Variants in POLD1 observed in about 807,000 individuals in gnomAD.
The protein encoded by POLD1 is DNA polymerase delta 1, catalytic subunit, also known as DNA polymerase delta catalytic subunit.
A neutral mutation model predicts 129.7 loss-of-function variants in POLD1; 79 were observed. That is an observed-to-expected ratio of 0.61 (90% CI 0.51 to 0.73). POLD1 has a LOEUF of 0.73. Ranked by LOEUF, POLD1 falls within the 30% of genes least tolerant of loss-of-function variation. The pLI is 0.00. For missense variants in POLD1, 1,338 were observed against 1,595.8 expected (o/e 0.84, Z 2.75); for synonymous variants, 714 against 683.3 (o/e 1.04, Z -0.70).
intron 10 of POLD1, among the ~76,000 whole-genome samples, chr19:50,403,825 A>C (rs1175202984): frequency 3.3e-5 from 5 of 152,230 alleles, no homozygotes; most frequent in Non-Finnish European, 7.3e-5. Context: ...GAGTAAGAGA[A>C]GGCTGTGCAT....
At chr19:50,407,532 C>A in intron 14 of POLD1, 117 bp downstream of exon 14, 1 of 450,288 alleles carries the variant, frequency 2.2e-6, no homozygotes, top group South Asian at 9.0e-5. Flanking sequence ...GGCCCCTGCT[C>A]CACAAAATTT....
At chr19:50,404,574 CTTTTTTTTTTTT>C (rs71182717) in intron 10 of POLD1, among the ~76,000 whole-genome samples, 3 of 77,868 alleles carry the variant, frequency 3.9e-5, no homozygotes, top group Non-Finnish European at 6.5e-5. Flanking sequence ...TTTTCTCTTT[CTTTTTTTTTTTT>C]TTTTTTTTTT....
chr19:50,417,833 C>T lies in POLD1; in HGVS notation c.3219-9C>T, dbSNP rs1410703949. ...CTGGTCCTGACCCTGCCCCTGCCCC[C>T]ACCCGCAGCCGGGACTGCCCCATCT... On this transcript the variant is annotated splice_polypyrimidine_tract_variant and intron_variant, in intron 26 of 26. Transcript: ENST00000440232. The T allele has an allele frequency of 7.0e-6, 11 of 1,560,464 alleles. No homozygotes were observed. The highest frequency in any genetic ancestry group is 1.6e-5 in the African/African-American group (1 of 62,386).
chr19:50,384,603 G>A (rs2037905009), intron 1 of POLD1, among the ~76,000 whole-genome samples: 1 of 152,028 alleles, frequency 6.6e-6, no homozygotes, highest in African/African-American at 2.4e-5. Flanking sequence ...GGCGGGCAGG[G>A]GGCGCATGCG....
intron 1 of POLD1, among the ~76,000 whole-genome samples, chr19:50,385,926 T>C (rs576066074): frequency 3.9e-5 from 6 of 152,188 alleles, no homozygotes; most frequent in African/African-American, 1.4e-4. Context: ...TCTTATGTGT[T>C]TCTGACAGCT....
intron 1 of POLD1, among the ~76,000 whole-genome samples, chr19:50,389,235 C>T (rs917008322): frequency 1.3e-5 from 2 of 151,512 alleles, no homozygotes; most frequent in African/African-American, 2.4e-5. Flanking sequence ...CTCAGCTGAT[C>T]CTCAGCCTCT....
Position 50,415,585 on chromosome 19 carries a change from C to A in POLD1, c.2712C>A (p.Ala904=), listed in dbSNP as rs770882217. Residue 904 remains alanine, a synonymous_variant, in exon 21 of 27, where the codon GCC becomes GCA. Coordinates refer to ENST00000440232, the MANE Select transcript of POLD1 (RefSeq NM_002691.4). The part of the protein sequence containing the change: ...YAGKQAHVEL[A]ERMRKRDPGS... The stretch of plus-strand genomic sequence containing the variant: ...GCAAGCAGGCCCACGTGGAGCTGGC[C>A]GAGAGGTCCTGCGCGGGGCGGGTGG... 4 of 1,610,940 alleles carry A rather than the reference C, an allele frequency of 2.5e-6. No individual in the cohort carries two copies. Among genetic ancestry groups the A allele is most frequent in the Non-Finnish European group, 3.4e-6 (4 of 1,178,542 alleles).
At chr19:50,390,330 C>T (rs1338938524) in intron 1 of POLD1, among the ~76,000 whole-genome samples, 1 of 151,932 alleles carries the variant, frequency 6.6e-6, no homozygotes, top group East Asian at 1.9e-4. Context: ...AGCCAATCTC[C>T]CGAGACTCAG....
At chr19:50,411,406 G>A (rs1283888373) in intron 17 of POLD1, among the ~76,000 whole-genome samples, 1 of 152,174 alleles carries the variant, frequency 6.6e-6, no homozygotes, top group Non-Finnish European at 1.5e-5. Context: ...GCCCTCCCCT[G>A]GGGCTGCCTC....
At position 50,404,434 on chromosome 19, in the gene POLD1, T is replaced by G. The variant is rs536509773; in HGVS notation, c.1242+837T>G. Reference sequence around the variant, plus strand: ...CCCGCCACCACGCCTGGCTAATTTTTTGTGTTTTTAGTAGAGACGGGGTTT... The same window carrying G: ...CCCGCCACCACGCCTGGCTAATTTTGTGTGTTTTTAGTAGAGACGGGGTTT... On this transcript the variant is annotated intron_variant, in intron 10 of 26. Transcript: ENST00000440232. Among the ~76,000 whole-genome samples the G allele has an allele frequency of 1.0e-3, 153 of 147,318 alleles. 2 individuals are homozygous for G. The highest frequency in any genetic ancestry group is 1.8e-3 in the Non-Finnish European group (121 of 67,392).
chr19:50,413,529 G>A lies in POLD1; in HGVS notation c.2250+8G>A. The stretch of plus-strand genomic sequence containing the variant: ...TACAGCACCAGTGCCAAGGTCGGGG[G>A]CTGCCCACCGCTGCCCTGAGATGGG... On this transcript the variant is annotated splice_region_variant and intron_variant, in intron 18 of 26. Coordinates refer to ENST00000440232, the MANE Select transcript of POLD1 (RefSeq NM_002691.4). 1 of 1,595,040 alleles carries A rather than the reference G, an allele frequency of 6.3e-7. No individual in the cohort carries two copies. Among genetic ancestry groups the A allele is most frequent in the South Asian group, 1.1e-5 (1 of 89,530 alleles).
chr19:50,411,390 A>C (rs1601232656), intron 17 of POLD1, among the ~76,000 whole-genome samples: 3 of 152,314 alleles, frequency 2.0e-5, no homozygotes, highest in South Asian at 2.1e-4. Context: ...AAGAGAGCAC[A>C]GCTTGGCCCT....
intron 1 of POLD1, among the ~76,000 whole-genome samples, chr19:50,385,501 A>G (rs576527583): frequency 6.6e-6 from 1 of 150,450 alleles, no homozygotes; most frequent in South Asian, 2.1e-4. Context: ...CCTTCCACTG[A>G]AGGAACTTGT....
chr19:50,398,558 A>C (rs1445528805), intron 1 of POLD1, among the ~76,000 whole-genome samples: 1 of 132,196 alleles, frequency 7.6e-6, no homozygotes, highest in African/African-American at 2.9e-5. Flanking sequence ...TGACAAGAGC[A>C]CAATTCCATC....
chr19:50,402,619 A>G lies in POLD1; in HGVS notation c.848A>G (p.Gln283Arg), dbSNP rs2122255441. The G allele has an allele frequency of 6.4e-7, 1 of 1,573,544 alleles. No individual in the cohort carries two copies. The highest frequency in any genetic ancestry group is 8.6e-7 in the Non-Finnish European group (1 of 1,158,932). ...ACCCACCCATGCCCACAGGCTACGCAGTGCCAGCTGGAGGCGGACGTGCTG... is the reference window on the plus strand; with the variant it reads ...ACCCACCCATGCCCACAGGCTACGCGGTGCCAGCTGGAGGCGGACGTGCTG... ...YALRLKEKATQCQLEADVLWS... is the reference protein window; with the variant it reads ...YALRLKEKATRCQLEADVLWS... Residue 283 changes from glutamine (Q) to arginine (R), a missense_variant, in exon 8 of 27, where the codon CAG (glutamine) becomes CGG (arginine). Transcript: ENST00000440232.
chr19:50,414,849 G>C lies in POLD1; in HGVS notation c.2423G>C (p.Arg808Pro), dbSNP rs771700024. 1.3e-6 allele frequency: 2 copies of C among 1,594,364 alleles called. No individual in the cohort carries two copies. Among genetic ancestry groups the C allele is most frequent in the Non-Finnish European group, 1.7e-6 (2 of 1,167,544 alleles). The change falls in exon 20 of 27, where the codon CGC (arginine) becomes CCC (proline). Residue 808 changes from arginine (R) to proline (P), a missense_variant. This residue lies in a region of POLD1 where 720 missense variants were observed against 1,002.6 expected (regional missense o/e 0.72). Coordinates refer to ENST00000440232, the MANE Select transcript of POLD1 (RefSeq NM_002691.4). Reference protein sequence around the residue: ...YFPYLLISKKRYAGLLFSSRP... With the variant: ...YFPYLLISKKPYAGLLFSSRP... ...CCATACCTGCTTATCAGCAAGAAGCGCTACGCGGGCCTGCTCTTCTCCTCC... is the reference window on the plus strand; with the variant it reads ...CCATACCTGCTTATCAGCAAGAAGCCCTACGCGGGCCTGCTCTTCTCCTCC...
In POLD1 at chr19:50,406,563, C is replaced by A; in HGVS notation, c.1494+46C>A. 7.2e-7 allele frequency: 1 copy of A among 1,380,446 alleles called. No individual in the cohort carries two copies. Among genetic ancestry groups the A allele is most frequent in the Non-Finnish European group, 1.0e-6 (1 of 992,764 alleles). 85.5% of individuals were successfully genotyped at this position (1,380,446 alleles called of 1,614,324 possible). A position where few individuals can be genotyped will look rare whatever the true frequency, so the allele number is the denominator to read the frequency against. On this transcript the variant is annotated intron_variant, in intron 12 of 26. Coordinates refer to ENST00000440232, the MANE Select transcript of POLD1 (RefSeq NM_002691.4). The surrounding 1 kb of genome is among the most constrained non-coding windows in gnomAD (Gnocchi z 5.5). ...CTCTCACCCCAACCTCTGACCTCCA[C>A]CTCACCCTTCCCCGGCCTCTGACCT...
Position 50,409,765 on chromosome 19 carries a change from C to T in POLD1, c.2154+99C>T. On this transcript the variant is annotated intron_variant, in intron 17 of 26. Transcript: ENST00000440232. This position sits in a 1 kb window ranked among gnomAD's most constrained non-coding sequence, Gnocchi z 5.8. ...GGGGACCTGTATCCAGAGGACTGGG[C>T]ACCCCAACTCACTGGCCTTCTAGAG... 2 of 1,286,428 alleles carry T rather than the reference C, an allele frequency of 1.6e-6. No individual in the cohort carries two copies. The highest frequency in any genetic ancestry group is 2.2e-6 in the Non-Finnish European group (2 of 928,392). The allele number at this position is 1,286,428 out of a possible 1,614,324, so 79.7% of individuals were successfully genotyped here.
At chr19:50,395,591 A>G (rs1198600305) in intron 1 of POLD1, among the ~76,000 whole-genome samples, 1 of 152,054 alleles carries the variant, frequency 6.6e-6, no homozygotes. Flanking sequence ...CTCCAAAAAA[A>G]AAAAAAAATA....
Sources: allele counts gnomAD v4.1 joint callset (sites outside exome capture counted in the v4.1 genomes callset), GRCh38; gene constraint gnomAD v4.1.1; regional missense constraint gnomAD v4.1.1; non-coding constraint Gnocchi (gnomAD v3.1); transcripts MANE v1.5; gene names NCBI Gene and HGNC (gene_info 2026-07-23, HGNC 2026-07-21).